The following TUBB3 variants were observed in gnomAD, a reference collection of about 807,000 sequenced individuals.
The protein encoded by TUBB3 is tubulin beta 3 class III, also known as tubulin beta-3 chain.
TUBB3 carries 17 observed loss-of-function variants against 37.8 expected under a neutral mutation model. The observed-to-expected ratio is 0.45, with a 90% CI of 0.31 to 0.67. TUBB3 has a LOEUF of 0.67. Ranked by LOEUF, TUBB3 falls within the 30% of genes least tolerant of loss-of-function variation. The pLI is 0.07. For synonymous variants in TUBB3, 332 were observed against 278.9 expected (o/e 1.19, Z -1.90); for missense variants, 262 against 657.9 (o/e 0.40, Z 6.58).
intron 1 of TUBB3, among the ~76,000 whole-genome samples, chr16:89,923,773 G>C (rs963584440): frequency 1.3e-5 from 2 of 152,166 alleles, no homozygotes; most frequent in Non-Finnish European, 2.9e-5. Context: ...GCAGCTGGGA[G>C]CCCTGTCTGG....
At chr16:89,925,150 C>G (rs560641761) in intron 1 of TUBB3, among the ~76,000 whole-genome samples, 47 of 152,304 alleles carry the variant, frequency 3.1e-4, no homozygotes, top group African/African-American at 1.1e-3. Flanking sequence ...TGAGGCTCCA[C>G]GGGTAGCAGA....
At chr16:89,932,791 C>A in intron 2 of TUBB3, 112 bp downstream of exon 2, 1 of 882,392 alleles carries the variant, frequency 1.1e-6, no homozygotes, top group Non-Finnish European at 1.8e-6. Flanking sequence ...CTCTGTCCTC[C>A]CATGGGTTAG....
chr16:89,928,556 T>C (rs1230179642), intron 1 of TUBB3, among the ~76,000 whole-genome samples: 5 of 149,330 alleles, frequency 3.3e-5, no homozygotes, highest in African/African-American at 1.2e-4. Flanking sequence ...GCGGAGTCTC[T>C]ATCTGTTGCC....
intron 3 of TUBB3, 174 bp from the exon 4 acceptor site, chr16:89,934,555 G>C (rs1051737924): frequency 1.5e-6 from 1 of 686,284 alleles, no homozygotes; most frequent in Admixed American, 2.3e-5. Context: ...CAGCAGCATC[G>C]GCTCAGGGAA....
At chr16:89,926,323 G>A (rs1459659525) in intron 1 of TUBB3, among the ~76,000 whole-genome samples, 1 of 152,170 alleles carries the variant, frequency 6.6e-6, no homozygotes, top group African/African-American at 2.4e-5. Flanking sequence ...GGCTCGCCCC[G>A]CCCTCTCGCC....
In TUBB3 at chr16:89,935,376, C is replaced by T. The variant is rs2151092961; in HGVS notation, c.925C>T (p.Arg309Cys). The change falls in exon 4 of 4, where the codon CGC (arginine) becomes TGC (cysteine). Residue 309 changes from arginine (R) to cysteine (C), a missense_variant. Arg to Cys is a radical substitution (Grantham distance 180). This residue lies in a region of TUBB3 where 165 missense variants were observed against 556.8 expected (regional missense o/e 0.30). Coordinates refer to ENST00000315491, the MANE Select transcript of TUBB3 (RefSeq NM_006086.4). ...MMAACDPRHG[R>C]YLTVATVFRG... ...GGCCGCCTGCGACCCGCGCCACGGC[C>T]GCTACCTGACGGTGGCCACCGTGTT... 4 of 1,614,154 alleles carry T rather than the reference C, an allele frequency of 2.5e-6. No homozygotes were observed. The highest frequency in any genetic ancestry group is 3.4e-6 in the Non-Finnish European group (4 of 1,180,048).
chr16:89,930,540 C>A (rs1039430530), intron 1 of TUBB3, among the ~76,000 whole-genome samples: 2 of 151,950 alleles, frequency 1.3e-5, no homozygotes, highest in Admixed American at 1.3e-4. Context: ...TCTTCTGCCT[C>A]AGCTTCCGGA....
rs2030399253 is a variant in TUBB3, at chr16:89,934,883, C to T, written c.432C>T (p.Gly144=). The T allele has an allele frequency of 2.5e-6, 4 of 1,614,140 alleles. No individual in the cohort carries two copies. Among genetic ancestry groups the T allele is most frequent in the Non-Finnish European group, 3.4e-6 (4 of 1,180,014 alleles). The change falls in exon 4 of 4, where the codon GGC becomes GGT. Residue 144 remains glycine, a synonymous_variant. Transcript: ENST00000315491. ...CCCACTCGCTGGGGGGCGGCACGGG[C>T]TCCGGCATGGGCACGTTGCTCATCA... The part of the protein sequence containing the change: ...QLTHSLGGGT[G]SGMGTLLISK...
At chr16:89,928,925 G>A (rs1017819236) in intron 1 of TUBB3, among the ~76,000 whole-genome samples, 25 of 149,024 alleles carry the variant, frequency 1.7e-4, no homozygotes, top group African/African-American at 6.2e-4. Flanking sequence ...GCCTCCCAAA[G>A]TGCTGGGATT....
chr16:89,924,571 G>A (rs924348438), intron 1 of TUBB3, among the ~76,000 whole-genome samples: 2 of 152,224 alleles, frequency 1.3e-5, no homozygotes, highest in Non-Finnish European at 2.9e-5. Context: ...TCCTGGAGGG[G>A]AAGGGGCCAG....
intron 1 of TUBB3, among the ~76,000 whole-genome samples, chr16:89,926,042 C>A (rs1222912056): frequency 6.6e-6 from 1 of 151,714 alleles, no homozygotes; most frequent in Non-Finnish European, 1.5e-5. Context: ...TGCAGTCACC[C>A]CGGGGGGGGC....
chr16:89,923,073 C>T (rs1407364160), upstream of TUBB3, among the ~76,000 whole-genome samples: 3 of 152,182 alleles, frequency 2.0e-5, no homozygotes. Context: ...CTCCCTGGAG[C>T]CCGGCGCCCC....
chr16:89,923,794 C>G (rs1461454745), intron 1 of TUBB3, among the ~76,000 whole-genome samples: 1 of 151,866 alleles, frequency 6.6e-6, no homozygotes, highest in Non-Finnish European at 1.5e-5. Context: ...GCGTGGCCCT[C>G]TTTTTTGGGG....
At chr16:89,929,798 T>G (rs1434961415) in intron 1 of TUBB3, among the ~76,000 whole-genome samples, 1 of 152,096 alleles carries the variant, frequency 6.6e-6, no homozygotes, top group Non-Finnish European at 1.5e-5. Flanking sequence ...ACCTCCCGAG[T>G]TCGTGTGATT....
chr16:89,926,358 C>A (rs968774029), intron 1 of TUBB3, among the ~76,000 whole-genome samples: 1 of 152,246 alleles, frequency 6.6e-6, no homozygotes, highest in African/African-American at 2.4e-5. Flanking sequence ...AGCCGCGGGC[C>A]GGGCGGGAAC....
chr16:89,923,271 C>T (rs2144398817), upstream of TUBB3: 3 of 664,456 alleles, frequency 4.5e-6, no homozygotes, highest in South Asian at 9.4e-5. Flanking sequence ...CGATTGGCCA[C>T]CCGCGGTGAC....
At chr16:89,932,941 G>T in intron 2 of TUBB3, 1 of 548,730 alleles carries the variant, frequency 1.8e-6, no homozygotes, top group Admixed American at 3.0e-5. Context: ...CACAGACAGG[G>T]ATGGGGCAGG....
At chr16:89,930,847 A>C (rs1371143659) in intron 1 of TUBB3, among the ~76,000 whole-genome samples, 1 of 142,822 alleles carries the variant, frequency 7.0e-6, no homozygotes, top group East Asian at 2.0e-4. Context: ...TTTTTTTTTG[A>C]GATGGTGTCT....
chr16:89,927,655 T>G (rs1778420798), intron 1 of TUBB3, among the ~76,000 whole-genome samples: 1 of 152,224 alleles, frequency 6.6e-6, no homozygotes, highest in African/African-American at 2.4e-5. Flanking sequence ...GAAGCCAACA[T>G]GTGCTGAATG....
Sources: allele counts gnomAD v4.1 joint callset (sites outside exome capture counted in the v4.1 genomes callset), GRCh38; gene constraint gnomAD v4.1.1; regional missense constraint gnomAD v4.1.1; transcripts MANE v1.5; gene names NCBI Gene and HGNC (gene_info 2026-07-23, HGNC 2026-07-21).